SYNE2: variants seen among roughly 807,000 people sequenced by gnomAD.
The protein encoded by SYNE2 is nesprin-2.
In SYNE2, 431 loss-of-function variants were observed where a neutral mutation model predicts 856.3. The observed-to-expected ratio is 0.50, with a 90% CI of 0.47 to 0.55. The LOEUF (loss-of-function observed/expected upper bound fraction) is 0.55. Ranked by LOEUF, SYNE2 falls within the 20% of genes least tolerant of loss-of-function variation. The pLI is 0.00. For missense variants in SYNE2, 8,129 were observed against 8,023.2 expected (o/e 1.01, Z -0.50); for synonymous variants, 2,923 against 2,872.3 (o/e 1.02, Z -0.56).
At chr14:64,023,949 G>A (rs2096957831) in intron 38 of SYNE2, 3 of 339,968 alleles carry the variant, frequency 8.8e-6, no homozygotes, top group Admixed American at 4.2e-5. Context: ...TTTGGGCAAC[G>A]TTAAATAGAG....
At chr14:64,084,848 C>G in intron 57 of SYNE2, 1 of 654,510 alleles carries the variant, frequency 1.5e-6, no homozygotes. Flanking sequence ...GTCAAGGTGT[C>G]GACAAAGGCT....
chr14:64,132,317 C>T lies in SYNE2; in HGVS notation c.14393C>T (p.Ala4798Val), dbSNP rs770006520. 55 of 1,613,972 alleles carry T rather than the reference C, an allele frequency of 3.4e-5. No individual in the cohort carries two copies. Among genetic ancestry groups the T allele is most frequent in the Non-Finnish European group, 4.4e-5 (52 of 1,180,054 alleles). ...ATGTTGTTGATCCAAGCATACTCTG[C>T]CAAAATACTTCCTTCTTTATTGCAA... ...ADMLLIQAYSAKILPSLLQNR... is the reference protein window; with the variant it reads ...ADMLLIQAYSVKILPSLLQNR... The change falls in exon 77 of 116, where the codon GCC (alanine) becomes GTC (valine). Residue 4798 changes from alanine (A) to valine (V), a missense_variant. Ala to Val is a moderately conservative substitution (Grantham distance 64, BLOSUM62 0). Transcript: ENST00000555002.
intron 6 of SYNE2, among the ~76,000 whole-genome samples, chr14:63,942,651 A>C (rs1284116012): frequency 6.6e-6 from 1 of 151,994 alleles, no homozygotes; most frequent in African/African-American, 2.4e-5. Context: ...ATGCACCATC[A>C]CGCCCAGCCA....
intron 103 of SYNE2, among the ~76,000 whole-genome samples, chr14:64,210,574 G>A (rs959452054): frequency 3.3e-5 from 5 of 152,202 alleles, no homozygotes; most frequent in Admixed American, 2.0e-4. Context: ...TGTCTGCACT[G>A]GGGGGTTGGG....
chr14:64,110,926 C>T (rs950802165), intron 65 of SYNE2, among the ~76,000 whole-genome samples: 2 of 152,128 alleles, frequency 1.3e-5, no homozygotes, highest in South Asian at 2.1e-4. Context: ...TGGAAATATT[C>T]TTTTTGTCTT....
intron 76 of SYNE2, among the ~76,000 whole-genome samples, chr14:64,130,865 C>G (rs1167402799): frequency 2.1e-5 from 3 of 142,620 alleles, no homozygotes; most frequent in Admixed American, 7.3e-5. Flanking sequence ...AGCCTGGCGA[C>G]ACAGCAAGAC....
Position 63,986,532 on chromosome 14 carries a change from T to A in SYNE2, c.2228T>A (p.Ile743Asn). The A allele has an allele frequency of 6.2e-7, 1 of 1,614,136 alleles. No individual in the cohort carries two copies. The highest frequency in any genetic ancestry group is 2.2e-5 in the East Asian group (1 of 44,870). ...GTGGCTAAAGATGTTGAAAAACTCA[T>A]TGGACAAGTGGAAATCTGGGAGGCA... is the stretch of plus-strand genomic sequence containing the variant. ...LKVAKDVEKL[I>N]GQVEIWEAEA... The change falls in exon 19 of 116, where the codon ATT becomes AAT. Residue 743 changes from isoleucine to asparagine, a missense_variant. Physicochemically the swap from Ile to Asn is moderately radical, Grantham distance 149. Around this residue, in one of 3 missense-constraint regions of SYNE2, gnomAD observed 2,422 missense variants for 2,357.4 expected, o/e 1.03. Transcript: ENST00000555002.
intron 7 of SYNE2, among the ~76,000 whole-genome samples, chr14:63,951,701 C>G (rs1427490741): frequency 2.0e-5 from 3 of 152,190 alleles, no homozygotes; most frequent in African/African-American, 7.2e-5. Flanking sequence ...ATTAAATGAA[C>G]TGTTTCTTGA....
intron 35 of SYNE2, among the ~76,000 whole-genome samples, chr14:64,020,388 C>G (rs912189940): frequency 2.0e-5 from 3 of 152,158 alleles, no homozygotes; most frequent in Non-Finnish European, 4.4e-5. Context: ...CAAGCTTGCC[C>G]TATGGCCTCT....
At chr14:63,763,760 G>A (rs1322406803) in intron 1 of SYNE2, among the ~76,000 whole-genome samples, 1 of 152,092 alleles carries the variant, frequency 6.6e-6, no homozygotes, top group Non-Finnish European at 1.5e-5. Context: ...AAACTCCCAG[G>A]CTCAAGTAAT....
chr14:64,113,390 A>C lies in SYNE2; in HGVS notation c.12659A>C (p.Gln4220Pro), dbSNP rs1448060225. Residue 4220 changes from glutamine (Q) to proline (P), a missense_variant, in exon 66 of 116, where the codon CAA (glutamine) becomes CCA (proline). Around this residue, in one of 3 missense-constraint regions of SYNE2, gnomAD observed 5,410 missense variants for 5,284.8 expected, o/e 1.02. Transcript: ENST00000555002. ...EADTLDSSDA[Q>P]GGLEPRVEKT... ...GACACTCTGGACTCTTCTGACGCGC[A>C]AGGAGGTTTGGAGCCCAGGGTGGAG... is the stretch of plus-strand genomic sequence containing the variant. The C allele has an allele frequency of 1.2e-6, 2 of 1,614,116 alleles. No homozygotes were observed. The highest frequency in any genetic ancestry group is 1.7e-6 in the Non-Finnish European group (2 of 1,180,032).
chr14:64,091,007 C>T lies in SYNE2; in HGVS notation c.11935C>T (p.Leu3979=), dbSNP rs76576553. Residue 3979 remains leucine, a synonymous_variant, in exon 60 of 116, where the codon CTA becomes TTA. Coordinates refer to ENST00000555002, the MANE Select transcript of SYNE2 (RefSeq NM_182914.3). ...AAATCAGCTTTTACAAGATATAAAA[C>T]TATTGGAAAATGTGACTCAAGAACA... is the stretch of plus-strand genomic sequence containing the variant. ...RTNQLLQDIK[L]LENVTQEQNE... 6 of 1,614,066 alleles carry T rather than the reference C, an allele frequency of 3.7e-6. No individual in the cohort carries two copies. The Admixed American group carries it at 8.3e-5, about 22-fold the overall frequency.
chr14:64,018,739 C>T lies in SYNE2; in HGVS notation c.5049+983C>T, dbSNP rs556038002. The stretch of plus-strand genomic sequence containing the variant: ...CAGCTCTCCGGCTATAGTTAACCTC[C>T]GATCTAGACCATGATTTTAGACGGC... On this transcript the variant is annotated intron_variant, in intron 34 of 115. Coordinates refer to ENST00000555002, the MANE Select transcript of SYNE2 (RefSeq NM_182914.3). Among the ~76,000 whole-genome samples the T allele has an allele frequency of 5.3e-5, 8 of 152,264 alleles. No individual in the cohort carries two copies. In the East Asian group the frequency reaches 5.8e-4, roughly 11 times the overall value.
intron 50 of SYNE2, among the ~76,000 whole-genome samples, chr14:64,065,036 TGTG>T (rs2097348015): frequency 5.3e-5 from 8 of 152,202 alleles, no homozygotes; most frequent in Admixed American, 5.2e-4. Context: ...AGCTAAATTT[TGTG>T]TTTTTAATAG....
Position 64,049,616 on chromosome 14 carries a change from A to G in SYNE2, c.7383A>G (p.Leu2461=), listed in dbSNP as rs1232714331. 6.2e-7 allele frequency: 1 copy of G among 1,614,042 alleles called. No homozygotes were observed. The highest frequency in any genetic ancestry group is 8.5e-7 in the Non-Finnish European group (1 of 1,179,974). Residue 2461 remains leucine, a synonymous_variant, in exon 47 of 116, where the codon TTA becomes TTG. Coordinates refer to ENST00000555002, the MANE Select transcript of SYNE2 (RefSeq NM_182914.3). ...TCTGTGTGACTTATTTTTAGAAATT[A>G]TATACCCAGTTGGAAGCAAAGAAAG... is the stretch of plus-strand genomic sequence containing the variant. ...RNEQLEEIEK[L]YTQLEAKKAA... is the part of the protein sequence containing the mutation.
intron 7 of SYNE2, 97 bp from the exon 8 acceptor site, chr14:63,954,622 C>A: frequency 8.8e-7 from 1 of 1,140,638 alleles, no homozygotes; most frequent in Non-Finnish European, 1.3e-6. Context: ...ATCTAATTTA[C>A]TTGATTTGCC....
In SYNE2 at chr14:64,167,202, A is replaced by G. The variant is rs111593479; in HGVS notation, c.16606-31A>G. ...TCATCTAGATATCTTATTGGCATCC[A>G]AAAACCTGTACTTCAATTTTTTAAA... On this transcript the variant is annotated intron_variant, in intron 90 of 115. Coordinates refer to ENST00000555002, the MANE Select transcript of SYNE2 (RefSeq NM_182914.3). The G allele has an allele frequency of 9.1e-4, 1,461 of 1,613,150 alleles. 12 individuals carry two copies. In the African/African-American group the frequency reaches 0.017, roughly 18 times the overall value.
At position 64,041,436 on chromosome 14, in the gene SYNE2, A is replaced by T. The variant is rs1022051384; in HGVS notation, c.7222-6564A>T. Among the ~76,000 whole-genome samples the T allele has an allele frequency of 2.0e-5, 3 of 152,204 alleles. No individual in the cohort carries two copies. In the East Asian group the frequency reaches 5.8e-4, roughly 29 times the overall value. On this transcript the variant is annotated intron_variant, in intron 45 of 115. Transcript: ENST00000555002. ...TGACAATGCATGTAACTATTAGAAG[A>T]TTAATATCCAGAATACAAAAAAATA...
At chr14:63,771,572 G>A (rs1250283243) in intron 1 of SYNE2, among the ~76,000 whole-genome samples, 1 of 152,146 alleles carries the variant, frequency 6.6e-6, no homozygotes, top group Non-Finnish European at 1.5e-5. Flanking sequence ...ACCTGGAAAC[G>A]TCATAGAAGG....
Sources: gnomAD v4.1 joint callset for allele counts (sites outside exome capture counted in the v4.1 genomes callset) on GRCh38, gnomAD v4.1.1 for gene constraint, gnomAD v4.1.1 regional missense constraint, MANE v1.5 for transcripts, NCBI Gene and HGNC (gene_info 2026-07-23, HGNC 2026-07-21) for gene names.